The following FAT3 variants were observed in gnomAD, a reference collection of about 807,000 sequenced individuals.
FAT3 encodes the protein protocadherin Fat 3.
In FAT3, 95 loss-of-function variants were observed where a neutral mutation model predicts 310.2. The ratio of observed to expected loss-of-function variants is 0.31; its 90% confidence interval spans 0.26 to 0.36. The LOEUF is 0.36. Ranked by LOEUF, FAT3 falls within the 10% of genes least tolerant of loss-of-function variation. The pLI is 1.00. For missense variants in FAT3, 5,408 were observed against 5,715.6 expected (o/e 0.95, Z 1.74); for synonymous variants, 2,314 against 2,192.9 (o/e 1.06, Z -1.54).
At chr11:92,462,703 G>T (rs190018969) in intron 2 of FAT3, among the ~76,000 whole-genome samples, 4 of 152,262 alleles carry the variant, frequency 2.6e-5, no homozygotes, top group Admixed American at 2.0e-4. Flanking sequence ...TCATGCCGAA[G>T]AATTTCAATA....
intron 3 of FAT3, among the ~76,000 whole-genome samples, chr11:92,642,681 T>A (rs770799298): frequency 6.6e-6 from 1 of 152,226 alleles, no homozygotes; most frequent in South Asian, 2.1e-4. Flanking sequence ...TAGAGAGCAT[T>A]GAGACAGGGC....
At chr11:92,755,288 T>C (rs1280277805) in intron 4 of FAT3, among the ~76,000 whole-genome samples, 2 of 152,192 alleles carry the variant, frequency 1.3e-5, no homozygotes, top group African/African-American at 4.8e-5. Flanking sequence ...AGTGGTGTGA[T>C]CTTGGCTCAC....
chr11:92,532,688 A>G (rs539493710), intron 3 of FAT3, among the ~76,000 whole-genome samples: 1 of 152,348 alleles, frequency 6.6e-6, no homozygotes, highest in East Asian at 1.9e-4. Flanking sequence ...CCCATTTTGA[A>G]CAGCCTTCTC....
intron 22 of FAT3, among the ~76,000 whole-genome samples, chr11:92,874,255 C>T (rs1457699842): frequency 2.6e-5 from 4 of 152,108 alleles, no homozygotes; most frequent in Non-Finnish European, 5.9e-5. Context: ...ATTTTGTTCA[C>T]TTTATTTGTG....
rs556165546 is a variant in FAT3, at chr11:92,752,189, G to A, written c.3670-9667G>A. On this transcript the variant is annotated intron_variant, in intron 4 of 27. Transcript: ENST00000525166. ...CAGCCATAGATAATATGTTATTGCAGCATGGCTGCATTCCAATAAAACTTT... is the reference window on the plus strand; with the variant it reads ...CAGCCATAGATAATATGTTATTGCAACATGGCTGCATTCCAATAAAACTTT... Among the ~76,000 whole-genome samples, 36 of 152,332 alleles carry A rather than the reference G, an allele frequency of 2.4e-4. No homozygotes were observed. The South Asian group carries it at 7.2e-3, about 31-fold the overall frequency.
At chr11:92,581,556 A>G (rs1200357796) in intron 3 of FAT3, among the ~76,000 whole-genome samples, 1 of 151,994 alleles carries the variant, frequency 6.6e-6, no homozygotes, top group Non-Finnish European at 1.5e-5. Context: ...TCTTATGCAC[A>G]CATAGCACCT....
chr11:92,566,301 A>G (rs1210371068), intron 3 of FAT3, among the ~76,000 whole-genome samples: 2 of 152,188 alleles, frequency 1.3e-5, no homozygotes, highest in African/African-American at 2.4e-5. Flanking sequence ...TTCAAAGACA[A>G]TAAAATACCT....
intron 2 of FAT3, among the ~76,000 whole-genome samples, chr11:92,465,082 C>T (rs189215637): frequency 1.8e-3 from 276 of 152,182 alleles, no homozygotes; most frequent in Non-Finnish European, 3.1e-3. Context: ...ATTTGATTTA[C>T]GTGATATGCA....
chr11:92,269,231 T>C (rs150448921), intron 1 of FAT3, among the ~76,000 whole-genome samples: 31 of 151,194 alleles, frequency 2.1e-4, no homozygotes, highest in African/African-American at 6.4e-4. Context: ...AGAAATGCCA[T>C]AGAAGCTGAG....
chr11:92,535,669 T>C (rs548526732), intron 3 of FAT3, among the ~76,000 whole-genome samples: 1 of 152,324 alleles, frequency 6.6e-6, no homozygotes, highest in East Asian at 1.9e-4. Context: ...GTACTTATGA[T>C]CTAGTTGAAT....
intron 2 of FAT3, among the ~76,000 whole-genome samples, chr11:92,501,811 A>G (rs1189800185): frequency 6.6e-6 from 1 of 152,004 alleles, no homozygotes; most frequent in Non-Finnish European, 1.5e-5. Flanking sequence ...TTGGCTTATC[A>G]TCAATTCTAG....
chr11:92,321,656 A>T (rs1365025924), intron 1 of FAT3, among the ~76,000 whole-genome samples: 1 of 152,140 alleles, frequency 6.6e-6, no homozygotes, highest in Non-Finnish European at 1.5e-5. Flanking sequence ...ATTATGCAGC[A>T]TTTCAGAGCA....
chr11:92,350,084 A>G (rs1489021571), intron 1 of FAT3, among the ~76,000 whole-genome samples: 1 of 151,968 alleles, frequency 6.6e-6, no homozygotes, highest in Non-Finnish European at 1.5e-5. Context: ...GACAGTTTCC[A>G]CAGTTTCATG....
intron 1 of FAT3, among the ~76,000 whole-genome samples, chr11:92,295,820 C>A (rs1284307571): frequency 6.6e-6 from 1 of 152,082 alleles, no homozygotes. Context: ...CTTGGATGCA[C>A]AATAGAATCA....
chr11:92,517,902 A>C (rs1040039205), intron 2 of FAT3, among the ~76,000 whole-genome samples: 1 of 152,228 alleles, frequency 6.6e-6, no homozygotes, highest in Non-Finnish European at 1.5e-5. Flanking sequence ...AGAGAAATGC[A>C]AATTAAAACC....
At chr11:92,745,199 T>G (rs1303496319) in intron 4 of FAT3, among the ~76,000 whole-genome samples, 1 of 152,192 alleles carries the variant, frequency 6.6e-6, no homozygotes, top group Non-Finnish European at 1.5e-5. Context: ...TCTGTTGTAA[T>G]TTATATCTGG....
At chr11:92,827,239 G>T in intron 13 of FAT3, among the ~76,000 whole-genome samples, 1 of 152,114 alleles carries the variant, frequency 6.6e-6, no homozygotes, top group East Asian at 1.9e-4. Flanking sequence ...CTTCCATCCT[G>T]AAGATTCTAA....
At chr11:92,367,212 C>T (rs888176569) in intron 2 of FAT3, 5 of 323,836 alleles carry the variant, frequency 1.5e-5, no homozygotes, top group Admixed American at 1.0e-4. Context: ...TCCACATGCT[C>T]TCTCTGTGGT....
At chr11:92,553,520 A>G (rs1954891824) in intron 3 of FAT3, among the ~76,000 whole-genome samples, 1 of 152,226 alleles carries the variant, frequency 6.6e-6, no homozygotes, top group Non-Finnish European at 1.5e-5. Flanking sequence ...CAACTTTAGA[A>G]TGTGAGAAGG....
Sources: gnomAD v4.1 joint callset for allele counts (sites outside exome capture counted in the v4.1 genomes callset) on GRCh38, gnomAD v4.1.1 for gene constraint, MANE v1.5 for transcripts, NCBI Gene and HGNC (gene_info 2026-07-23, HGNC 2026-07-21) for gene names.